The following TEX36 variants were observed in gnomAD, a reference collection of about 807,000 sequenced individuals.
The protein encoded by TEX36 is testis expressed 36.
Under a neutral mutation model 13.6 loss-of-function variants are expected in TEX36, and 12 were observed. The ratio of observed to expected loss-of-function variants is 0.88; its 90% CI spans 0.56 to 1.43. The LOEUF is 1.43. Ranked by LOEUF, TEX36 falls within the 40% of genes most tolerant of loss-of-function variation. The probability of loss-of-function intolerance (pLI) is 0.00; values close to 1 mark genes in which losing one functional copy is unlikely to be tolerated. For synonymous variants in TEX36, 93 were observed against 83.0 expected (o/e 1.12, Z -0.65); for missense variants, 224 against 228.3 (o/e 0.98, Z 0.12).
chr10:125,577,561 T>C (rs1363322199), intron 3 of TEX36, among the ~76,000 whole-genome samples: 1 of 152,184 alleles, frequency 6.6e-6, no homozygotes, highest in Admixed American at 6.5e-5. Context: ...TCATAAAAAA[T>C]AATTTAAAAT....
chr10:125,611,845 T>C (rs1054476724), intron 3 of TEX36, among the ~76,000 whole-genome samples: 6 of 152,272 alleles, frequency 3.9e-5, no homozygotes, highest in Middle Eastern at 3.4e-3. Context: ...AATGTTTTAC[T>C]GTTAAAAGGA....
In TEX36 at chr10:125,655,789, A is replaced by G; in HGVS notation, c.*111T>C. ...AATGTTTTTTGACCTTATAAAAATC[A>G]TAAAAGTACTTTAAAAATTAAATAG... On this transcript the variant is annotated 3_prime_UTR_variant, in exon 4 of 4. Transcript: ENST00000368821. The G allele has an allele frequency of 6.7e-6, 9 of 1,351,206 alleles. No individual in the cohort carries two copies. The highest frequency in any genetic ancestry group is 8.6e-6 in the Non-Finnish European group (9 of 1,049,866). The allele number at this position is 1,351,206 out of a possible 1,614,324, so 83.7% of individuals were successfully genotyped here.
chr10:125,617,886 C>T (rs1290145605), downstream of TEX36, among the ~76,000 whole-genome samples: 2 of 152,138 alleles, frequency 1.3e-5, no homozygotes, highest in African/African-American at 2.4e-5. Flanking sequence ...GAGTGTTTTC[C>T]AACTTGGTTC....
chr10:125,600,506 A>G (rs1846132902), intron 3 of TEX36, among the ~76,000 whole-genome samples: 1 of 152,250 alleles, frequency 6.6e-6, no homozygotes, highest in South Asian at 2.1e-4. Flanking sequence ...CCTTTACTTC[A>G]GCTAATGTGG....
At chr10:125,652,413 A>C (rs550284933), downstream of TEX36, among the ~76,000 whole-genome samples, 4 of 152,286 alleles carry the variant, frequency 2.6e-5, no homozygotes, top group East Asian at 5.8e-4. Flanking sequence ...ATAAATGGTG[A>C]TAGGAAAACT....
At chr10:125,672,145 T>G (rs1847242753) in intron 1 of TEX36, among the ~76,000 whole-genome samples, 1 of 152,180 alleles carries the variant, frequency 6.6e-6, no homozygotes, top group Non-Finnish European at 1.5e-5. Flanking sequence ...TTCGCTCTGA[T>G]CTTGGTTATT....
chr10:125,626,867 C>T (rs927832669), intron 3 of TEX36, among the ~76,000 whole-genome samples: 4 of 152,156 alleles, frequency 2.6e-5, no homozygotes, highest in South Asian at 2.1e-4. Context: ...AAGTCAGAGA[C>T]GTCTAATGGC....
At chr10:125,639,904 T>C (rs1386579590) in intron 3 of TEX36, among the ~76,000 whole-genome samples, 1 of 152,228 alleles carries the variant, frequency 6.6e-6, no homozygotes, top group Non-Finnish European at 1.5e-5. Flanking sequence ...GGATTGGATA[T>C]GCCACTCATG....
At chr10:125,602,901 C>T (rs1846166834) in intron 3 of TEX36, among the ~76,000 whole-genome samples, 1 of 152,196 alleles carries the variant, frequency 6.6e-6, no homozygotes, top group Non-Finnish European at 1.5e-5. Context: ...ACTTCGAGGA[C>T]AGCCTGATGA....
At chr10:125,585,090 T>C (rs570492668) in intron 3 of TEX36, among the ~76,000 whole-genome samples, 17 of 152,094 alleles carry the variant, frequency 1.1e-4, no homozygotes, top group Non-Finnish European at 2.1e-4. Flanking sequence ...TTGAGAAGAA[T>C]GGAAAGAAAA....
intron 3 of TEX36, chr10:125,640,206 TGCTA>T (rs1846670714): frequency 1.0e-6 from 1 of 985,424 alleles, no homozygotes; most frequent in South Asian, 4.7e-5. Flanking sequence ...AACATTCTGA[TGCTA>T]GCTCCTATTT....
intron 1 of TEX36, among the ~76,000 whole-genome samples, chr10:125,682,096 CTGT>C (rs1202673102): frequency 1.1e-4 from 17 of 152,348 alleles, no homozygotes; most frequent in African/African-American, 3.8e-4. Flanking sequence ...GAGTCTACTG[CTGT>C]GATTTCCCCT....
intron 3 of TEX36, among the ~76,000 whole-genome samples, chr10:125,597,786 A>G (rs1390066565): frequency 2.0e-5 from 3 of 152,124 alleles, no homozygotes; most frequent in Non-Finnish European, 2.9e-5. Context: ...TCTAGGTCCA[A>G]ATGACAATGG....
Position 125,663,715 on chromosome 10 carries a change from A to AT in TEX36, c.52-1739dup, listed in dbSNP as rs536478004. Among the ~76,000 whole-genome samples the AT allele has an allele frequency of 3.2e-3, 487 of 152,040 alleles. 1 individual carries two copies. Among genetic ancestry groups the AT allele is most frequent in the Middle Eastern group, 0.014 (4 of 294 alleles). On this transcript the variant is annotated intron_variant, in intron 1 of 3. Coordinates refer to ENST00000368821, the MANE Select transcript of TEX36 (RefSeq NM_001128202.3). ...ATGTCTCCTTTTTTAAATTTTTTAA[A>AT]TTTTTTATGTGTACATAGTAGCTGT...
chr10:125,675,424 G>A (rs903586197), intron 1 of TEX36, among the ~76,000 whole-genome samples: 1 of 152,146 alleles, frequency 6.6e-6, no homozygotes, highest in African/African-American at 2.4e-5. Context: ...GGTGATGATG[G>A]CCACCCCTCC....
chr10:125,679,668 C>T (rs1450076973), intron 1 of TEX36, among the ~76,000 whole-genome samples: 1 of 152,236 alleles, frequency 6.6e-6, no homozygotes, highest in Admixed American at 6.5e-5. Context: ...AGGCAGGCTG[C>T]CTTTTTCCTT....
At chr10:125,580,964 A>G (rs999380325) in intron 3 of TEX36, among the ~76,000 whole-genome samples, 1 of 152,126 alleles carries the variant, frequency 6.6e-6, no homozygotes, top group African/African-American at 2.4e-5. Flanking sequence ...AAGAAAGCCC[A>G]CTTGCTGTCA....
chr10:125,671,820 T>TTTGAATC (rs147249821), intron 1 of TEX36, among the ~76,000 whole-genome samples: 2,629 of 152,320 alleles, frequency 0.017, 73 homozygotes, highest in African/African-American at 0.059. Context: ...CTGTTATTGG[T>TTTGAATC]CTATTCAGGG....
At chr10:125,640,091 A>G (rs1216894188) in intron 3 of TEX36, 10 of 918,398 alleles carry the variant, frequency 1.1e-5, no homozygotes, top group Middle Eastern at 5.5e-4. Flanking sequence ...TGGAACGTGG[A>G]TAATGAGCAA....
Sources: allele counts gnomAD v4.1 joint callset (sites outside exome capture counted in the v4.1 genomes callset), GRCh38; gene constraint gnomAD v4.1.1; transcripts MANE v1.5; gene names NCBI Gene and HGNC (gene_info 2026-07-23, HGNC 2026-07-21).